Variants in PSTPIP2 observed in about 807,000 individuals in gnomAD.
PSTPIP2 encodes the protein proline-serine-threonine phosphatase interacting protein 2.
A neutral mutation model predicts 63.3 loss-of-function variants in PSTPIP2; 33 were observed. The observed-to-expected ratio is 0.52, with a 90% CI of 0.40 to 0.70. PSTPIP2 has a LOEUF of 0.70. Among genes scored for constraint, PSTPIP2 ranks in the 30% least tolerant of loss-of-function variants. The pLI is 0.00. For missense variants in PSTPIP2, 312 were observed against 400.7 expected, an observed-to-expected ratio of 0.78 and a Z score of 1.89; for synonymous variants, 125 against 132.7, an observed-to-expected ratio of 0.94 and a Z score of 0.40.
intron 1 of PSTPIP2, among the ~76,000 whole-genome samples, chr18:46,050,577 G>T (rs1908550947): frequency 6.8e-6 from 1 of 147,948 alleles, no homozygotes; most frequent in Non-Finnish European, 1.5e-5. Flanking sequence ...AAATAAAAAA[G>T]ATAATAACAA....
chr18:46,029,444 A>G, intron 2 of PSTPIP2: 1 of 1,328,780 alleles, frequency 7.5e-7, no homozygotes, highest in Middle Eastern at 1.9e-4. Flanking sequence ...TGTGAACTCA[A>G]GGAGGTGCCT....
At chr18:46,027,168 G>A (rs1206006483) in intron 2 of PSTPIP2, among the ~76,000 whole-genome samples, 1 of 151,928 alleles carries the variant, frequency 6.6e-6, no homozygotes, top group Non-Finnish European at 1.5e-5. Flanking sequence ...GGTGGCGCAT[G>A]CCTGCAATCC....
intron 12 of PSTPIP2, 27 bp downstream of exon 12, chr18:45,991,875 T>G (rs753715655): frequency 1.9e-5 from 30 of 1,541,122 alleles, no homozygotes; most frequent in Non-Finnish European, 2.7e-5. Context: ...AGTATTTTTC[T>G]TCATATGAAA....
At chr18:46,033,698 G>GAAAAA in intron 2 of PSTPIP2, among the ~76,000 whole-genome samples, 1 of 103,154 alleles carries the variant, frequency 9.7e-6, no homozygotes. Flanking sequence ...ACTCCATCTC[G>GAAAAA]AAAAAAAAAA....
chr18:46,054,677 T>TTTTTTTC, intron 1 of PSTPIP2, among the ~76,000 whole-genome samples: 1 of 151,806 alleles, frequency 6.6e-6, no homozygotes, highest in Non-Finnish European at 1.5e-5. Context: ...TTTTTTTTTT[T>TTTTTTTC]TGAGACAGAG....
At chr18:46,056,536 G>T (rs1486155516) in intron 1 of PSTPIP2, among the ~76,000 whole-genome samples, 1 of 151,986 alleles carries the variant, frequency 6.6e-6, no homozygotes, top group Non-Finnish European at 1.5e-5. Flanking sequence ...AGACTAGTCT[G>T]GGCCACACAG....
chr18:46,070,073 A>T (rs1237354347), intron 1 of PSTPIP2, among the ~76,000 whole-genome samples: 1 of 152,186 alleles, frequency 6.6e-6, no homozygotes, highest in Non-Finnish European at 1.5e-5. Flanking sequence ...ATGTATGGAA[A>T]AACTGAGGCT....
chr18:46,065,331 G>A (rs923300168), intron 1 of PSTPIP2, among the ~76,000 whole-genome samples: 2 of 150,054 alleles, frequency 1.3e-5, no homozygotes, highest in Non-Finnish European at 3.0e-5. Flanking sequence ...TGGCTCTGTC[G>A]CCCAGGCTGG....
rs6507658 is a variant in PSTPIP2, at chr18:45,984,012, G to C, written c.*1447C>G. 0.25 allele frequency: 38,230 copies of C among 152,088 alleles called. 7,143 individuals carry two copies. Among genetic ancestry groups the C allele is most frequent in the African/African-American group, 0.51 (21,173 of 41,408 alleles). The allele number at this position is 152,088 out of a possible 1,614,324, so 9.4% of individuals were successfully genotyped here. On this transcript the variant is annotated 3_prime_UTR_variant, in exon 15 of 15. Coordinates refer to ENST00000409746, the MANE Select transcript of PSTPIP2 (RefSeq NM_024430.4). ...AAATACAAAAAATTAGCCAGGTGTG[G>C]TGGTGGGTGCCTGTAATCCCAGCTA... is the stretch of plus-strand genomic sequence containing the variant.
intron 1 of PSTPIP2, among the ~76,000 whole-genome samples, chr18:46,049,147 G>A (rs1908494202): frequency 6.6e-6 from 1 of 151,928 alleles, no homozygotes; most frequent in Non-Finnish European, 1.5e-5. Flanking sequence ...ATTTACAAGA[G>A]TAAATCTAAA....
intron 5 of PSTPIP2, among the ~76,000 whole-genome samples, chr18:46,007,196 A>C (rs1049288240): frequency 6.6e-6 from 1 of 152,248 alleles, no homozygotes; most frequent in Admixed American, 6.5e-5. Flanking sequence ...CATAACACAT[A>C]AACATTGTTA....
intron 2 of PSTPIP2, chr18:46,029,412 A>T: frequency 2.7e-6 from 4 of 1,485,112 alleles, no homozygotes; most frequent in Non-Finnish European, 3.8e-6. Context: ...CTCTTCGGGG[A>T]TGGAGAAGTT....
At chr18:46,010,523 GA>G (rs1490063416) in intron 5 of PSTPIP2, among the ~76,000 whole-genome samples, 1 of 152,176 alleles carries the variant, frequency 6.6e-6, no homozygotes, top group Admixed American at 6.5e-5. Flanking sequence ...CAAAATAGAA[GA>G]GAACAGAGTT....
At chr18:46,043,853 A>G (rs574643588) in intron 1 of PSTPIP2, among the ~76,000 whole-genome samples, 1 of 152,274 alleles carries the variant, frequency 6.6e-6, no homozygotes, top group South Asian at 2.1e-4. Context: ...ATACCGGTGG[A>G]AAAAAAGGAA....
intron 6 of PSTPIP2, among the ~76,000 whole-genome samples, chr18:46,001,446 GT>G (rs989983131): frequency 2.6e-5 from 4 of 151,512 alleles, no homozygotes; most frequent in African/African-American, 9.7e-5. Context: ...CCAATTGTTT[GT>G]TTTTTTTCTT....
chr18:46,024,706 G>T lies in PSTPIP2; in HGVS notation c.135-20C>A. 1 of 1,594,952 alleles carries T rather than the reference G, an allele frequency of 6.3e-7. No homozygotes were observed. The highest frequency in any genetic ancestry group is 8.6e-7 in the Non-Finnish European group (1 of 1,162,904). On this transcript the variant is annotated intron_variant, in intron 2 of 14. Coordinates refer to ENST00000409746, the MANE Select transcript of PSTPIP2 (RefSeq NM_024430.4). ...GCTGCCCTAGGGGAACAGAAGAGAG[G>T]GTTATGGGTCCTTCTCAGAGCTGAC...
rs1310902248 is a variant in PSTPIP2 at position 45,991,953 on chromosome 18, G to A, written c.869C>T (p.Ser290Phe). 1 of 1,613,610 alleles carries A rather than the reference G, an allele frequency of 6.2e-7. No homozygotes were observed. Among genetic ancestry groups the A allele is most frequent in the East Asian group, 2.2e-5 (1 of 44,880 alleles). Residue 290 changes from serine to phenylalanine, a missense_variant, in exon 12 of 15, where the codon TCC (serine) becomes TTC (phenylalanine). Ser to Phe is a radical substitution (Grantham distance 155, BLOSUM62 -2). Coordinates refer to ENST00000409746, the MANE Select transcript of PSTPIP2 (RefSeq NM_024430.4). Reference protein sequence around the residue: ...APIMYENFYSSQKNAVPAGKA... With the variant: ...APIMYENFYSFQKNAVPAGKA... ...TCCTGCTGGGACTGCATTCTTCTGG[G>A]AGGAGTAGAAATTCTCATACATGAT...
rs550493100 is a variant in PSTPIP2, at chr18:46,014,013, G to C, written c.247+1890C>G. ...GTTCTCCTCTTAAGAGGCTGAAGGA[G>C]AGGAGTAAAGAAGGGATCTTTTTTT... On this transcript the variant is annotated intron_variant, in intron 4 of 14. Coordinates refer to ENST00000409746, the MANE Select transcript of PSTPIP2 (RefSeq NM_024430.4). 3.3e-5 allele frequency among the ~76,000 whole-genome samples: 5 copies of C among 151,708 alleles called. No homozygotes were observed. The East Asian group carries it at 6.0e-4, about 18-fold the overall frequency.
At position 45,988,752 on chromosome 18, in the gene PSTPIP2, G is replaced by T; in HGVS notation, c.963C>A (p.Pro321=). 2 of 1,561,442 alleles carry T rather than the reference G, an allele frequency of 1.3e-6. No individual in the cohort carries two copies. The highest frequency in any genetic ancestry group is 1.8e-6 in the Non-Finnish European group (2 of 1,132,566). ...TGTAGTCATCAACCAAAGAGTAATT[G>T]GGATCATCTGCAAAAGGCAGAACAC... is the stretch of plus-strand genomic sequence containing the variant. The part of the protein sequence containing the change: ...LPIPKSSPDD[P]NYSLVDDYSL... The change falls in exon 14 of 15, where the codon CCC becomes CCA. Residue 321 remains proline (P), a synonymous_variant. Transcript: ENST00000409746.
Sources: gnomAD v4.1 joint callset for allele counts (sites outside exome capture counted in the v4.1 genomes callset) on GRCh38, gnomAD v4.1.1 for gene constraint, MANE v1.5 for transcripts, NCBI Gene and HGNC (gene_info 2026-07-23, HGNC 2026-07-21) for gene names.